The following LOC128125822 variants were observed in gnomAD, a reference collection of about 807,000 sequenced individuals.
chr6:63,572,816 A>C, the LOC128125822 span: 1 of 395,860 alleles, frequency 2.5e-6, no homozygotes, highest in Admixed American at 4.4e-5. Flanking sequence ...CGTCTCCTCC[A>C]GGTTGCCCCG....
At chr6:63,579,909 C>T in the LOC128125822 span, 1 of 633,466 alleles carries the variant, frequency 1.6e-6, no homozygotes, top group Non-Finnish European at 2.8e-6. Context: ...CACTGATGTG[C>T]CTGTTCATAT....
chr6:63,573,826 C>A, the LOC128125822 span, among the ~76,000 whole-genome samples: 3 of 152,176 alleles, frequency 2.0e-5, no homozygotes, highest in African/African-American at 4.8e-5. Context: ...AAGGACTTCC[C>A]GTCCGGGCAC....
the LOC128125822 span, chr6:63,577,024 A>C: frequency 6.7e-7 from 1 of 1,493,296 alleles, no homozygotes; most frequent in Non-Finnish European, 9.3e-7. Context: ...AATTGATTGC[A>C]ATATAATAGT....
At chr6:63,578,131 G>C in the LOC128125822 span, among the ~76,000 whole-genome samples, 2 of 152,014 alleles carry the variant, frequency 1.3e-5, no homozygotes, top group Non-Finnish European at 2.9e-5. Context: ...TCCCAATCCG[G>C]TATTACCATG....
the LOC128125822 span, chr6:63,580,807 A>G: frequency 6.6e-6 from 1 of 152,392 alleles, no homozygotes; most frequent in Admixed American, 6.6e-5. Context: ...GTATTAAAAA[A>G]ACCTCCATTT....
At chr6:63,574,290 C>G in the LOC128125822 span, among the ~76,000 whole-genome samples, 1 of 152,180 alleles carries the variant, frequency 6.6e-6, no homozygotes, top group African/African-American at 2.4e-5. Flanking sequence ...ATGATTTAAG[C>G]TTCTGCACAG....
At chr6:63,581,620 A>T in the LOC128125822 span, 1 of 152,124 alleles carries the variant, frequency 6.6e-6, no homozygotes, top group Admixed American at 6.5e-5. Context: ...ATTCATGAAA[A>T]CTTTAATACT....
chr6:63,573,970 A>C, the LOC128125822 span, among the ~76,000 whole-genome samples: 1 of 152,138 alleles, frequency 6.6e-6, no homozygotes, highest in African/African-American at 2.4e-5. Flanking sequence ...AGCAGTAGCC[A>C]ACCAGAGACG....
the LOC128125822 span, chr6:63,578,368 G>T: frequency 2.0e-6 from 3 of 1,504,494 alleles, no homozygotes; most frequent in South Asian, 3.9e-5. Flanking sequence ...GAGATGATCA[G>T]AATATAAAAT....
chr6:63,579,280 C>G, the LOC128125822 span: 1 of 1,611,216 alleles, frequency 6.2e-7, no homozygotes, highest in Non-Finnish European at 8.5e-7. Flanking sequence ...GTTGCCCTAG[C>G]ATTAATTGAA....
the LOC128125822 span, chr6:63,572,605 C>A: frequency 2.4e-6 from 1 of 419,044 alleles, no homozygotes; most frequent in Middle Eastern, 6.1e-4. Flanking sequence ...CACCGCCGCT[C>A]CGCCACGACC....
At chr6:63,580,863 A>G in the LOC128125822 span, 3 of 152,528 alleles carry the variant, frequency 2.0e-5, no homozygotes, top group African/African-American at 7.2e-5. Context: ...ATGTCTTCAG[A>G]CAAAAAAGCC....
At chr6:63,579,058 TAA>T in the LOC128125822 span, 7 of 1,540,292 alleles carry the variant, frequency 4.5e-6, no homozygotes, top group Admixed American at 1.6e-4. Flanking sequence ...TGATTCTAGG[TAA>T]AAATCTATTG....
At chr6:63,577,791 A>G in the LOC128125822 span, among the ~76,000 whole-genome samples, 3 of 151,742 alleles carry the variant, frequency 2.0e-5, no homozygotes, top group African/African-American at 7.3e-5. Flanking sequence ...ACCTCAGGTG[A>G]GCCACCACGC....
the LOC128125822 span, chr6:63,580,243 A>G: frequency 8.0e-7 from 1 of 1,253,198 alleles, no homozygotes; most frequent in Admixed American, 1.7e-5. Flanking sequence ...CATATTAGCC[A>G]ACATGTTGGC....
chr6:63,579,365 CTT>C, the LOC128125822 span: 1 of 1,487,820 alleles, frequency 6.7e-7, no homozygotes, highest in Non-Finnish European at 9.2e-7. Context: ...TTTGTACTCT[CTT>C]TCATTTCCTT....
At chr6:63,577,027 A>G in the LOC128125822 span, 54 of 1,470,546 alleles carry the variant, frequency 3.7e-5, no homozygotes, top group Non-Finnish European at 1.9e-6. Flanking sequence ...TGATTGCAAT[A>G]TAATAGTGGG....
At chr6:63,579,140 A>G in the LOC128125822 span, 14 of 1,374,932 alleles carry the variant, frequency 1.0e-5, no homozygotes, top group Non-Finnish European at 1.4e-5. Context: ...TGTCATAGGT[A>G]TTACTTAAAT....
At chr6:63,580,233 C>A in the LOC128125822 span, 3 of 1,315,410 alleles carry the variant, frequency 2.3e-6, no homozygotes, top group South Asian at 1.2e-5. Flanking sequence ...ATTTGTTATA[C>A]ATATTAGCCA....
Sources: allele counts gnomAD v4.1 joint callset (sites outside exome capture counted in the v4.1 genomes callset), GRCh38; gene constraint gnomAD v4.1.1; transcripts MANE v1.5.